EPHA6: variants seen among roughly 807,000 people sequenced by gnomAD.
EPHA6 encodes ephrin type-A receptor 6.
Under a neutral mutation model 112.0 loss-of-function variants are expected in EPHA6, and 50 were observed. The observed-to-expected ratio is 0.45, with a 90% CI of 0.36 to 0.56. EPHA6 has a LOEUF of 0.56. Among genes scored for constraint, EPHA6 ranks in the 20% least tolerant of loss-of-function variants. The pLI, the probability that EPHA6 is intolerant of heterozygous loss-of-function variation, is 0.00. For missense variants in EPHA6, 1,280 were observed against 1,417.4 expected, an observed-to-expected ratio of 0.90 and a Z score of 1.56; for synonymous variants, 529 against 490.7, an observed-to-expected ratio of 1.08 and a Z score of -1.03.
chr3:96,859,925 A>G (rs2035913135), intron 1 of EPHA6, among the ~76,000 whole-genome samples: 1 of 152,128 alleles, frequency 6.6e-6, no homozygotes, highest in Admixed American at 6.6e-5. Flanking sequence ...CTTCTAAATG[A>G]GGGCATTTTA....
intron 1 of EPHA6, among the ~76,000 whole-genome samples, chr3:96,821,933 A>G (rs1003200654): frequency 1.3e-5 from 2 of 151,812 alleles, no homozygotes; most frequent in Non-Finnish European, 2.9e-5. Flanking sequence ...TATTTTGAGT[A>G]ATTGATATTT....
intron 3 of EPHA6, among the ~76,000 whole-genome samples, chr3:97,207,220 A>G (rs141308632): frequency 5.9e-5 from 9 of 152,248 alleles, no homozygotes; most frequent in African/African-American, 1.9e-4. Context: ...GACTGAATAT[A>G]AAAAAATTGG....
chr3:97,338,093 C>CGT (rs150656529), intron 5 of EPHA6, among the ~76,000 whole-genome samples: 21 of 150,156 alleles, frequency 1.4e-4, no homozygotes, highest in East Asian at 2.0e-4. Context: ...TGTGTGTGTG[C>CGT]GTGTGTGTGT....
At chr3:97,217,495 G>T (rs183433174) in intron 3 of EPHA6, among the ~76,000 whole-genome samples, 1 of 152,158 alleles carries the variant, frequency 6.6e-6, no homozygotes, top group Non-Finnish European at 1.5e-5. Context: ...GGCATAGATT[G>T]TCAAATAGTA....
At chr3:97,061,786 A>G (rs1170143747) in intron 3 of EPHA6, among the ~76,000 whole-genome samples, 1 of 152,166 alleles carries the variant, frequency 6.6e-6, no homozygotes, top group African/African-American at 2.4e-5. Flanking sequence ...CATTCATTTA[A>G]CAGCTGCTGA....
intron 14 of EPHA6, among the ~76,000 whole-genome samples, chr3:97,653,493 A>G (rs984746346): frequency 3.3e-5 from 5 of 151,972 alleles, no homozygotes; most frequent in Non-Finnish European, 7.4e-5. Flanking sequence ...TATCAAAAAG[A>G]CAAAAAATAG....
intron 3 of EPHA6, among the ~76,000 whole-genome samples, chr3:97,000,321 A>C (rs1478706393): frequency 6.6e-6 from 1 of 151,396 alleles, no homozygotes; most frequent in Non-Finnish European, 1.5e-5. Context: ...AGCCACTCAT[A>C]TATAGCCATA....
chr3:97,692,982 G>T (rs957977870), intron 14 of EPHA6, among the ~76,000 whole-genome samples: 2 of 152,186 alleles, frequency 1.3e-5, no homozygotes, highest in African/African-American at 4.8e-5. Context: ...CTTAGGGTCA[G>T]CTGTAATGTT....
At chr3:97,674,453 A>G (rs757698296) in intron 14 of EPHA6, among the ~76,000 whole-genome samples, 1 of 152,210 alleles carries the variant, frequency 6.6e-6, no homozygotes, top group Non-Finnish European at 1.5e-5. Context: ...AGGACAATTT[A>G]CCTAATTGTT....
intron 1 of EPHA6, among the ~76,000 whole-genome samples, chr3:96,865,882 C>T (rs1017158330): frequency 1.3e-5 from 2 of 151,850 alleles, no homozygotes; most frequent in African/African-American, 4.8e-5. Flanking sequence ...CCACATTTAC[C>T]TGCCAGAAAC....
chr3:97,129,555 T>A, intron 3 of EPHA6, among the ~76,000 whole-genome samples: 1 of 150,486 alleles, frequency 6.6e-6, no homozygotes, highest in African/African-American at 2.4e-5. Flanking sequence ...CAGTGGTAAA[T>A]TCGGTGTTAA....
intron 5 of EPHA6, among the ~76,000 whole-genome samples, chr3:97,383,791 A>G (rs1442652969): frequency 6.6e-6 from 1 of 152,116 alleles, no homozygotes; most frequent in African/African-American, 2.4e-5. Context: ...AATTCCTTCA[A>G]GAAGGAAACT....
chr3:97,038,807 G>A (rs1362144402), intron 3 of EPHA6, among the ~76,000 whole-genome samples: 1 of 152,112 alleles, frequency 6.6e-6, no homozygotes, highest in African/African-American at 2.4e-5. Context: ...GGGGGGAAAT[G>A]TTCCACCTGC....
intron 2 of EPHA6, among the ~76,000 whole-genome samples, chr3:96,985,126 C>CGTCT (rs1195071016): frequency 6.6e-6 from 1 of 152,112 alleles, no homozygotes; most frequent in Non-Finnish European, 1.5e-5. Context: ...AGAAATCACC[C>CGTCT]GTCTTCTGTG....
intron 14 of EPHA6, among the ~76,000 whole-genome samples, chr3:97,718,823 AC>A (rs1211129831): frequency 1.3e-5 from 2 of 152,168 alleles, no homozygotes; most frequent in Non-Finnish European, 2.9e-5. Flanking sequence ...CTTAAGTATT[AC>A]ATCTTTACAT....
intron 6 of EPHA6, among the ~76,000 whole-genome samples, chr3:97,418,655 C>T (rs1184176958): frequency 2.0e-5 from 3 of 151,848 alleles, no homozygotes; most frequent in South Asian, 2.1e-4. Context: ...GAGTTTGTCA[C>T]TCAAAGACCT....
At chr3:97,565,090 T>A (rs1474779378) in intron 11 of EPHA6, among the ~76,000 whole-genome samples, 3 of 152,008 alleles carry the variant, frequency 2.0e-5, no homozygotes, top group African/African-American at 7.3e-5. Context: ...TCTAGGGAGT[T>A]TTCTGCCAAA....
At chr3:97,406,193 G>A (rs917236941) in intron 6 of EPHA6, among the ~76,000 whole-genome samples, 1 of 152,124 alleles carries the variant, frequency 6.6e-6, no homozygotes, top group African/African-American at 2.4e-5. Flanking sequence ...GAGGGCAAGA[G>A]GAGAAATAGA....
intron 3 of EPHA6, among the ~76,000 whole-genome samples, chr3:97,195,072 A>T (rs1380848316): frequency 6.6e-6 from 1 of 151,914 alleles, no homozygotes; most frequent in Non-Finnish European, 1.5e-5. Context: ...TTTACATTCA[A>T]TGTTATATTA....
Sources: gnomAD v4.1 joint callset for allele counts (sites outside exome capture counted in the v4.1 genomes callset) on GRCh38, gnomAD v4.1.1 for gene constraint, MANE v1.5 for transcripts, NCBI Gene and HGNC (gene_info 2026-07-23, HGNC 2026-07-21) for gene names.